Variants in SLC10A7 observed in about 807,000 individuals in gnomAD.
SLC10A7 encodes the protein sodium/bile acid cotransporter 7.
SLC10A7 carries 29 observed loss-of-function variants against 43.2 expected under a neutral mutation model. That is an observed-to-expected ratio of 0.67 (90% CI 0.50 to 0.92). The LOEUF (loss-of-function observed/expected upper bound fraction) is 0.92. Among genes scored for constraint, SLC10A7 ranks in the 40% least tolerant of loss-of-function variants. The probability of loss-of-function intolerance (pLI) is 0.00; values close to 1 mark genes in which losing one functional copy is unlikely to be tolerated. For missense variants in SLC10A7, 295 were observed against 403.2 expected (o/e 0.73, Z 2.30); for synonymous variants, 152 against 144.8 (o/e 1.05, Z -0.35).
chr4:146,298,817 C>G (rs527627394), intron 7 of SLC10A7, among the ~76,000 whole-genome samples: 1 of 152,142 alleles, frequency 6.6e-6, no homozygotes, highest in East Asian at 1.9e-4. Context: ...CTCACAGAGT[C>G]GTAACACCTT....
chr4:146,374,623 C>T (rs879346488), intron 5 of SLC10A7, among the ~76,000 whole-genome samples: 5,470 of 134,454 alleles, frequency 0.041, 148 homozygotes, highest in Non-Finnish European at 0.042. Flanking sequence ...TACACATACA[C>T]ACACACACAC....
intron 4 of SLC10A7, among the ~76,000 whole-genome samples, chr4:146,453,617 G>A (rs1731788625): frequency 6.6e-6 from 1 of 151,846 alleles, no homozygotes; most frequent in Non-Finnish European, 1.5e-5. Context: ...GGTATTGATG[G>A]AATAACCTAC....
chr4:146,367,313 T>C (rs1252830404), intron 5 of SLC10A7, among the ~76,000 whole-genome samples: 2 of 152,190 alleles, frequency 1.3e-5, no homozygotes, highest in Non-Finnish European at 2.9e-5. Context: ...TAGAACTTTC[T>C]GTAATGACAT....
chr4:146,384,114 T>C (rs1321957806), intron 5 of SLC10A7, among the ~76,000 whole-genome samples: 1 of 152,148 alleles, frequency 6.6e-6, no homozygotes, highest in Non-Finnish European at 1.5e-5. Context: ...AGAATGAAAT[T>C]ATATTCCTGC....
At chr4:146,389,026 TCAAA>T (rs1738221323) in intron 5 of SLC10A7, among the ~76,000 whole-genome samples, 2 of 152,084 alleles carry the variant, frequency 1.3e-5, no homozygotes, top group African/African-American at 4.8e-5. Flanking sequence ...TACAAGGAAC[TCAAA>T]CAACTCAACT....
chr4:146,319,166 T>TTTG (rs1732524186), intron 6 of SLC10A7, among the ~76,000 whole-genome samples: 1 of 152,086 alleles, frequency 6.6e-6, no homozygotes. Context: ...TTTAAGGTCC[T>TTTG]AAATCATTTG....
At position 146,360,988 on chromosome 4, in the gene SLC10A7, A is replaced by G. The variant is rs542543844; in HGVS notation, c.436-34992T>C. On this transcript the variant is annotated intron_variant, in intron 5 of 11. Transcript: ENST00000335472. ...GCATGCTGTTCCCTCTACTAGGAAC[A>G]TGTATTTTCTGCTCTCTACTCCCTA... is the stretch of plus-strand genomic sequence containing the variant. 2.2e-4 allele frequency among the ~76,000 whole-genome samples: 33 copies of G among 152,248 alleles called. No individual in the cohort carries two copies. In the South Asian group the frequency reaches 6.8e-3, roughly 32 times the overall value.
chr4:146,283,573 TA>T (rs1200612583), intron 9 of SLC10A7, among the ~76,000 whole-genome samples: 2 of 152,142 alleles, frequency 1.3e-5, no homozygotes, highest in Non-Finnish European at 2.9e-5. Flanking sequence ...TCTAAGTCTC[TA>T]GGTTACCACT....
chr4:146,390,163 G>A (rs573239874), intron 5 of SLC10A7, among the ~76,000 whole-genome samples: 19 of 152,190 alleles, frequency 1.2e-4, no homozygotes, highest in African/African-American at 4.3e-4. Context: ...ATCAGACAAC[G>A]AGCTCTTTAG....
At chr4:146,499,395 C>T (rs1409670202) in intron 4 of SLC10A7, among the ~76,000 whole-genome samples, 2 of 152,126 alleles carry the variant, frequency 1.3e-5, no homozygotes, top group Admixed American at 6.6e-5. Context: ...TGGACCTTTT[C>T]ATTACACACA....
Position 146,366,456 on chromosome 4 carries a change from A to AT in SLC10A7, c.436-40461dup, listed in dbSNP as rs530412339. Reference sequence around the variant, plus strand: ...TTGCAGTTTTTCTCTAGTCTTCCAGATTTTTTCAGTTTTTGAATGTGGAAA... The same window carrying AT: ...TTGCAGTTTTTCTCTAGTCTTCCAGATTTTTTTCAGTTTTTGAATGTGGAAA... On this transcript the variant is annotated intron_variant, in intron 5 of 11. Transcript: ENST00000335472. Among the ~76,000 whole-genome samples, 406 of 152,080 alleles carry AT rather than the reference A, an allele frequency of 2.7e-3. 1 individual carries two copies. The highest frequency in any genetic ancestry group is 9.2e-3 in the African/African-American group (381 of 41,490).
chr4:146,441,649 G>T, intron 5 of SLC10A7: 1 of 966,688 alleles, frequency 1.0e-6, no homozygotes, highest in South Asian at 4.8e-5. Flanking sequence ...TCTAAACTAA[G>T]CAATCCGAGA....
chr4:146,509,774 A>G (rs563244671), intron 3 of SLC10A7, 139 bp downstream of exon 3: 1 of 679,712 alleles, frequency 1.5e-6, no homozygotes, highest in South Asian at 3.9e-5. Context: ...CTATTGTTTT[A>G]AAGGAAAACA....
intron 4 of SLC10A7, among the ~76,000 whole-genome samples, chr4:146,500,816 A>G (rs1736335662): frequency 6.6e-6 from 1 of 152,058 alleles, no homozygotes; most frequent in South Asian, 2.1e-4. Context: ...GCCCACCCCA[A>G]ATAAGCTTTT....
chr4:146,291,648 G>A (rs572988647), intron 9 of SLC10A7, among the ~76,000 whole-genome samples: 24 of 151,170 alleles, frequency 1.6e-4, no homozygotes, highest in African/African-American at 5.8e-4. Flanking sequence ...CTTGATTTTT[G>A]TATGTGTCCA....
At chr4:146,300,648 C>G (rs1731098276) in intron 7 of SLC10A7, among the ~76,000 whole-genome samples, 1 of 152,166 alleles carries the variant, frequency 6.6e-6, no homozygotes, top group African/African-American at 2.4e-5. Context: ...GTTAATGTAC[C>G]TGTGGGCCAG....
intron 4 of SLC10A7, among the ~76,000 whole-genome samples, chr4:146,455,641 A>C (rs1224668440): frequency 6.6e-6 from 1 of 151,852 alleles, no homozygotes; most frequent in East Asian, 1.9e-4. Flanking sequence ...TCTGGGAAAT[A>C]ACTTACCATA....
chr4:146,423,747 GCTATT>G (rs1314476989), intron 5 of SLC10A7, among the ~76,000 whole-genome samples: 1 of 152,196 alleles, frequency 6.6e-6, no homozygotes, highest in African/African-American at 2.4e-5. Flanking sequence ...ATTTATTCCA[GCTATT>G]CTGAAATATA....
chr4:146,284,769 C>T (rs764968780), intron 9 of SLC10A7, among the ~76,000 whole-genome samples: 1 of 152,138 alleles, frequency 6.6e-6, no homozygotes, highest in Non-Finnish European at 1.5e-5. Context: ...CATTACATGG[C>T]TTTCATATTT....
Sources: gnomAD v4.1 joint callset for allele counts (sites outside exome capture counted in the v4.1 genomes callset) on GRCh38, gnomAD v4.1.1 for gene constraint, MANE v1.5 for transcripts, NCBI Gene and HGNC (gene_info 2026-07-23, HGNC 2026-07-21) for gene names.